FAF1: variants seen among roughly 807,000 people sequenced by gnomAD.
The protein encoded by FAF1 is Fas associated factor 1.
In FAF1, 25 loss-of-function variants were observed where a neutral mutation model predicts 92.5. That is an observed-to-expected ratio of 0.27 (90% CI 0.20 to 0.38). The LOEUF (loss-of-function observed/expected upper bound fraction) is 0.38, where lower values mean the gene tolerates loss of function less well. FAF1 is among the 10% of genes least tolerant of loss of function. FAF1 has a pLI of 1.00. For synonymous variants in FAF1, 234 were observed against 273.2 expected (o/e 0.86, Z 1.42); for missense variants, 636 against 793.3 (o/e 0.80, Z 2.38).
intron 13 of FAF1, among the ~76,000 whole-genome samples, chr1:50,562,736 G>A (rs1300349551): frequency 6.6e-6 from 1 of 152,184 alleles, no homozygotes; most frequent in African/African-American, 2.4e-5. Flanking sequence ...GGTTAGGATT[G>A]TGTCTTGTTC....
intron 1 of FAF1, among the ~76,000 whole-genome samples, chr1:50,909,834 CTCGGAGAAG>C (rs1644870105): frequency 6.6e-6 from 1 of 152,186 alleles, no homozygotes; most frequent in Admixed American, 6.5e-5. Flanking sequence ...CCCCCTTTAG[CTCGGAGAAG>C]TTTGTTATTA....
intron 8 of FAF1, among the ~76,000 whole-genome samples, chr1:50,628,305 T>C (rs1445688665): frequency 2.6e-5 from 4 of 152,190 alleles, no homozygotes; most frequent in African/African-American, 9.6e-5. Flanking sequence ...CAGCCTGAAC[T>C]AGAAACAACA....
chr1:50,882,614 A>AAATG (rs1484124220), intron 1 of FAF1, among the ~76,000 whole-genome samples: 1 of 149,020 alleles, frequency 6.7e-6, no homozygotes, highest in Non-Finnish European at 1.5e-5. Context: ...ATAAATAAAT[A>AAATG]AATAAATAAA....
intron 6 of FAF1, among the ~76,000 whole-genome samples, chr1:50,736,457 A>G (rs1250351276): frequency 6.6e-6 from 1 of 152,234 alleles, no homozygotes; most frequent in East Asian, 1.9e-4. Context: ...TATATAGTTA[A>G]GATGTAAAGT....
At chr1:50,869,011 T>C (rs975329258) in intron 1 of FAF1, among the ~76,000 whole-genome samples, 4 of 152,192 alleles carry the variant, frequency 2.6e-5, no homozygotes, top group Admixed American at 1.3e-4. Context: ...TCTCCATTTG[T>C]ACTTGTGGAT....
chr1:50,837,369 C>CT (rs1644217454), intron 2 of FAF1, among the ~76,000 whole-genome samples: 2 of 152,004 alleles, frequency 1.3e-5, no homozygotes, highest in South Asian at 4.1e-4. Context: ...ACTTCCCCAC[C>CT]TTTTTGTTTG....
rs371821832 is a variant in FAF1, at chr1:50,687,996, G to A, written c.657+17790C>T. Among the ~76,000 whole-genome samples the A allele has an allele frequency of 4.6e-5, 7 of 151,238 alleles. No homozygotes were observed. The East Asian group carries it at 1.2e-3, about 26-fold the overall frequency. On this transcript the variant is annotated intron_variant, in intron 7 of 18. Coordinates refer to ENST00000396153, the MANE Select transcript of FAF1 (RefSeq NM_007051.3). The stretch of plus-strand genomic sequence containing the variant: ...TAAAAATACAAAAAATTAGCTGGGC[G>A]TGGTGGCAGGCACCTGTAATCCCAG...
intron 1 of FAF1, among the ~76,000 whole-genome samples, chr1:50,864,544 C>A (rs1644464006): frequency 6.6e-6 from 1 of 151,884 alleles, no homozygotes; most frequent in Non-Finnish European, 1.5e-5. Flanking sequence ...CACATATCTA[C>A]AACTATCTGA....
At chr1:50,441,975 C>A (rs894784687) in intron 18 of FAF1, among the ~76,000 whole-genome samples, 16 of 151,716 alleles carry the variant, frequency 1.1e-4, no homozygotes, top group Middle Eastern at 3.4e-3. Flanking sequence ...CCACCATGCC[C>A]AACGATGAAG....
At chr1:50,671,391 C>T (rs1338017707) in intron 7 of FAF1, among the ~76,000 whole-genome samples, 2 of 149,156 alleles carry the variant, frequency 1.3e-5, no homozygotes, top group Non-Finnish European at 3.0e-5. Flanking sequence ...GGCAACAGAG[C>T]AAGACTCCGT....
chr1:50,475,581 C>T lies in FAF1; in HGVS notation c.1752G>A (p.Glu584=), dbSNP rs1646628750. ...TGGCCAGGAAACGCCGCTCCAAGAA[C>T]TCGCCACTGGGGGTCCGGATCCGCA... is the stretch of plus-strand genomic sequence containing the variant. ...SKLRIRTPSG[E]FLERRFLASN... is the part of the protein sequence containing the mutation. Residue 584 remains glutamate (E), a synonymous_variant, in exon 18 of 19, where the codon GAG becomes GAA. Transcript: ENST00000396153. The T allele has an allele frequency of 1.2e-6, 2 of 1,614,020 alleles. No homozygotes were observed. The highest frequency in any genetic ancestry group is 1.7e-6 in the Non-Finnish European group (2 of 1,180,004).
intron 1 of FAF1, among the ~76,000 whole-genome samples, chr1:50,910,537 G>C (rs981825525): frequency 6.6e-6 from 1 of 152,138 alleles, no homozygotes; most frequent in Non-Finnish European, 1.5e-5. Context: ...GCTCCACCCA[G>C]TTCGAGCTTC....
At chr1:50,568,609 A>G (rs1207198834) in intron 12 of FAF1, among the ~76,000 whole-genome samples, 3 of 152,178 alleles carry the variant, frequency 2.0e-5, no homozygotes, top group Non-Finnish European at 4.4e-5. Flanking sequence ...TCCAGAATAA[A>G]TCTTTAAAAT....
At chr1:50,478,773 A>G (rs1454368666) in intron 17 of FAF1, among the ~76,000 whole-genome samples, 1 of 152,206 alleles carries the variant, frequency 6.6e-6, no homozygotes, top group Non-Finnish European at 1.5e-5. Context: ...CATATTTTAT[A>G]TATTTGAAAC....
intron 1 of FAF1, among the ~76,000 whole-genome samples, chr1:50,906,511 G>A (rs567099489): frequency 6.6e-5 from 10 of 152,310 alleles, no homozygotes; most frequent in Non-Finnish European, 1.5e-4. Context: ...CTATCCATAA[G>A]CATGGAATGT....
rs867080203 is a variant in FAF1, at chr1:50,653,648, C to T, written c.744+1794G>A. 4.3e-4 allele frequency among the ~76,000 whole-genome samples: 66 copies of T among 152,254 alleles called. 1 individual carries two copies. The highest frequency in any genetic ancestry group is 1.5e-3 in the South Asian group (7 of 4,822). ...TGGGAGGCCGAGGCAGGCTGGTCAC[C>T]TTAGGTCAGGAGTTCAAGACCAGCC... On this transcript the variant is annotated intron_variant, in intron 8 of 18. Coordinates refer to ENST00000396153, the MANE Select transcript of FAF1 (RefSeq NM_007051.3).
rs1052603848 is a variant in FAF1, at chr1:50,658,984, T to C, written c.658-3456A>G. Among the ~76,000 whole-genome samples the C allele has an allele frequency of 1.5e-4, 23 of 152,312 alleles. No homozygotes were observed. The Middle Eastern group carries it at 0.01, about 68-fold the overall frequency. On this transcript the variant is annotated intron_variant, in intron 7 of 18. Transcript: ENST00000396153. ...ATCAAAAGAGTGGGGATTTTACTAA[T>C]AGATTACAATTCCATTTTCTTTATT...
At chr1:50,824,468 G>C (rs928937546) in intron 2 of FAF1, among the ~76,000 whole-genome samples, 1 of 151,942 alleles carries the variant, frequency 6.6e-6, no homozygotes, top group Non-Finnish European at 1.5e-5. Context: ...AGCACTTAAA[G>C]TTGACTGATT....
At chr1:50,860,427 A>G (rs1644422894) in intron 1 of FAF1, among the ~76,000 whole-genome samples, 1 of 151,950 alleles carries the variant, frequency 6.6e-6, no homozygotes, top group Non-Finnish European at 1.5e-5. Context: ...AACCCCATTA[A>G]AAAATGGGCA....
Sources: gnomAD v4.1 joint callset for allele counts (sites outside exome capture counted in the v4.1 genomes callset) on GRCh38, gnomAD v4.1.1 for gene constraint, MANE v1.5 for transcripts, NCBI Gene and HGNC (gene_info 2026-07-23, HGNC 2026-07-21) for gene names.